ACOXL: variants seen among roughly 807,000 people sequenced by gnomAD.
The protein encoded by ACOXL is acyl-CoA oxidase like.
Under a neutral mutation model 71.9 loss-of-function variants are expected in ACOXL, and 70 were observed. The observed-to-expected ratio is 0.97, with a 90% CI of 0.80 to 1.19. The LOEUF (loss-of-function observed/expected upper bound fraction) is 1.19, where lower values mean the gene tolerates loss of function less well. Among genes scored for constraint, ACOXL ranks in the 50% most tolerant of loss-of-function variants. ACOXL has a pLI of 0.00. For missense variants in ACOXL, 703 were observed against 736.3 expected (o/e 0.95, Z 0.52); for synonymous variants, 253 against 281.6 (o/e 0.90, Z 1.02).
chr2:111,110,392 G>A (rs2150078016), intron 17 of ACOXL, among the ~76,000 whole-genome samples: 1 of 152,252 alleles, frequency 6.6e-6, no homozygotes, highest in Admixed American at 6.5e-5. Context: ...CCTTTGGGTT[G>A]AACTCCAGCG....
At chr2:110,956,705 T>C (rs1398934258) in intron 12 of ACOXL, among the ~76,000 whole-genome samples, 1 of 152,228 alleles carries the variant, frequency 6.6e-6, no homozygotes, top group Non-Finnish European at 1.5e-5. Context: ...ATAAGATTGA[T>C]TTAATCTGTT....
chr2:110,804,627 A>ATTTT lies in ACOXL; in HGVS notation c.621-635_621-634insTTTT, dbSNP rs538463897. Among the ~76,000 whole-genome samples the ATTTT allele has an allele frequency of 2.2e-3, 342 of 152,394 alleles. 1 individual carries two copies. Among genetic ancestry groups the ATTTT allele is most frequent in the African/African-American group, 7.7e-3 (319 of 41,592 alleles). On this transcript the variant is annotated intron_variant, in intron 8 of 17. Coordinates refer to ENST00000439055, the MANE Select transcript of ACOXL (RefSeq NM_001142807.4). ...ACAGGAAATAAAATGTGGTATATCC[A>ATTTT]TACAATGGAATACTATTCAACCATG...
At chr2:110,779,619 G>A (rs892598858) in intron 2 of ACOXL, among the ~76,000 whole-genome samples, 1 of 152,208 alleles carries the variant, frequency 6.6e-6, no homozygotes, top group Non-Finnish European at 1.5e-5. Flanking sequence ...CATAAGGAAA[G>A]ACAATGAGAT....
intron 12 of ACOXL, among the ~76,000 whole-genome samples, chr2:110,985,878 C>T (rs949449981): frequency 6.6e-6 from 1 of 152,206 alleles, no homozygotes; most frequent in Middle Eastern, 3.2e-3. Flanking sequence ...CTCTGCCCAC[C>T]AATGCCAATA....
chr2:111,087,888 A>G (rs1167228371), intron 16 of ACOXL, among the ~76,000 whole-genome samples: 1 of 152,246 alleles, frequency 6.6e-6, no homozygotes, highest in Non-Finnish European at 1.5e-5. Context: ...AAATATTTGC[A>G]AACTATACAT....
chr2:110,830,289 A>T, intron 9 of ACOXL, among the ~76,000 whole-genome samples: 1 of 152,206 alleles, frequency 6.6e-6, no homozygotes, highest in East Asian at 1.9e-4. Context: ...CTATGTAATT[A>T]TATAAATAAT....
At chr2:110,752,297 C>T (rs1035045693) in intron 1 of ACOXL, among the ~76,000 whole-genome samples, 6 of 152,102 alleles carry the variant, frequency 3.9e-5, no homozygotes, top group Middle Eastern at 3.4e-3. Context: ...TGTGAGCCAC[C>T]GCACCTGGCC....
intron 16 of ACOXL, among the ~76,000 whole-genome samples, chr2:111,075,626 CTT>C (rs556487681): frequency 2.1e-3 from 320 of 151,686 alleles, no homozygotes; most frequent in South Asian, 7.1e-3. Flanking sequence ...GGGTTTTACT[CTT>C]GTTTTTCTAG....
chr2:111,071,253 A>G (rs959291200), intron 16 of ACOXL, among the ~76,000 whole-genome samples: 9 of 152,200 alleles, frequency 5.9e-5, no homozygotes, highest in Non-Finnish European at 1.2e-4. Flanking sequence ...AGACCCACTA[A>G]GATGAACATC....
At chr2:110,915,405 T>TAC (rs1558721914) in intron 11 of ACOXL, among the ~76,000 whole-genome samples, 3 of 118,100 alleles carry the variant, frequency 2.5e-5, no homozygotes, top group African/African-American at 9.3e-5. Context: ...TGTGTGTATA[T>TAC]ACATATATAT....
intron 1 of ACOXL, among the ~76,000 whole-genome samples, chr2:110,738,692 A>G (rs1382020092): frequency 1.3e-5 from 2 of 152,108 alleles, no homozygotes; most frequent in Non-Finnish European, 2.9e-5. Flanking sequence ...GGGTTCTTTT[A>G]GTGCATTGGG....
chr2:110,760,721 G>T (rs925816419), intron 1 of ACOXL, among the ~76,000 whole-genome samples: 21 of 152,154 alleles, frequency 1.4e-4, no homozygotes, highest in African/African-American at 5.1e-4. Context: ...CCGCAAGCAT[G>T]GTAGTCTGAG....
At chr2:110,902,735 A>C (rs528758423) in intron 10 of ACOXL, among the ~76,000 whole-genome samples, 2 of 152,192 alleles carry the variant, frequency 1.3e-5, no homozygotes. Context: ...CCTACTTTGT[A>C]AAATATTTGC....
chr2:110,951,453 C>A (rs941378076), intron 12 of ACOXL, among the ~76,000 whole-genome samples: 3 of 152,168 alleles, frequency 2.0e-5, no homozygotes, highest in African/African-American at 7.2e-5. Flanking sequence ...CTATATTATA[C>A]AAGTGGCAAG....
At chr2:110,994,388 G>A (rs1337272615) in intron 13 of ACOXL, among the ~76,000 whole-genome samples, 2 of 151,726 alleles carry the variant, frequency 1.3e-5, no homozygotes, top group Admixed American at 6.6e-5. Flanking sequence ...AAAGCACTGC[G>A]TCAATTGCTT....
intron 15 of ACOXL, among the ~76,000 whole-genome samples, chr2:111,048,727 C>T (rs949310376): frequency 2.6e-5 from 4 of 151,460 alleles, no homozygotes; most frequent in African/African-American, 4.9e-5. Context: ...TGGAGAAAGA[C>T]GACTTTATAT....
At chr2:110,992,224 A>T (rs112043710) in intron 13 of ACOXL, among the ~76,000 whole-genome samples, 5 of 152,296 alleles carry the variant, frequency 3.3e-5, no homozygotes, top group African/African-American at 1.2e-4. Flanking sequence ...AACCTCCAAA[A>T]CAGTGTACAT....
chr2:110,849,774 A>AAAC (rs1692377830), intron 10 of ACOXL, among the ~76,000 whole-genome samples: 1 of 152,120 alleles, frequency 6.6e-6, no homozygotes, highest in Non-Finnish European at 1.5e-5. Flanking sequence ...ACAAACAAAC[A>AAAC]AACAAAAAAC....
intron 10 of ACOXL, among the ~76,000 whole-genome samples, chr2:110,851,381 G>A (rs573548623): frequency 6.6e-6 from 1 of 152,288 alleles, no homozygotes; most frequent in Admixed American, 6.5e-5. Context: ...TTCTGGGTAT[G>A]GTTTGAGGGG....
Sources: allele counts gnomAD v4.1 joint callset (sites outside exome capture counted in the v4.1 genomes callset), GRCh38; gene constraint gnomAD v4.1.1; transcripts MANE v1.5; gene names NCBI Gene and HGNC (gene_info 2026-07-23, HGNC 2026-07-21).